NKAIN2: variants seen among roughly 807,000 people sequenced by gnomAD.
NKAIN2 encodes the protein sodium/potassium transporting ATPase interacting 2, also known as sodium/potassium-transporting ATPase subunit beta-1-interacting protein 2.
In NKAIN2, 14 loss-of-function variants were observed where a neutral mutation model predicts 32.6. That is an observed-to-expected ratio of 0.43 (90% confidence interval 0.28 to 0.67). NKAIN2 has a LOEUF of 0.67. Among genes scored for constraint, NKAIN2 ranks in the 30% least tolerant of loss-of-function variants. The pLI is 0.17. For missense variants in NKAIN2, 198 were observed against 258.3 expected (o/e 0.77, Z 1.60); for synonymous variants, 80 against 87.2 (o/e 0.92, Z 0.46).
rs906001817 is a variant in NKAIN2 at position 123,997,555 on chromosome 6, T to G, written c.54+193301T>G. Among the ~76,000 whole-genome samples the G allele has an allele frequency of 1.6e-3, 239 of 151,786 alleles. 1 individual carries two copies. The highest frequency in any genetic ancestry group is 5.5e-3 in the African/African-American group (226 of 41,424). ...GTGGCAGTTTGGCTATTTTTTAAATTTTTCCATCTGAAGCAGGAATTATCA... is the reference window on the plus strand; with the variant it reads ...GTGGCAGTTTGGCTATTTTTTAAATGTTTCCATCTGAAGCAGGAATTATCA... On this transcript the variant is annotated intron_variant, in intron 1 of 6. Transcript: ENST00000368417.
chr6:124,595,068 C>T (rs1229297123), intron 3 of NKAIN2, among the ~76,000 whole-genome samples: 1 of 152,118 alleles, frequency 6.6e-6, no homozygotes, highest in Non-Finnish European at 1.5e-5. Context: ...GAAATAAAAG[C>T]AGAATAAAAG....
At chr6:123,968,744 G>A (rs1778204593) in intron 1 of NKAIN2, among the ~76,000 whole-genome samples, 1 of 152,068 alleles carries the variant, frequency 6.6e-6, no homozygotes, top group Admixed American at 6.6e-5. Flanking sequence ...CTTTCTCTCT[G>A]GAATGCCCCT....
At chr6:124,811,938 A>T (rs150093796) in intron 5 of NKAIN2, among the ~76,000 whole-genome samples, 191 of 152,262 alleles carry the variant, frequency 1.3e-3, no homozygotes, top group Non-Finnish European at 2.1e-4. Context: ...CAAGGCAGAG[A>T]TTAAGAAAGT....
At chr6:124,030,343 CA>C (rs1353567711) in intron 1 of NKAIN2, among the ~76,000 whole-genome samples, 1 of 152,116 alleles carries the variant, frequency 6.6e-6, no homozygotes, top group Non-Finnish European at 1.5e-5. Context: ...TCCCTGGTGC[CA>C]AAAAGGTTGG....
chr6:124,112,073 A>G (rs953159317), intron 1 of NKAIN2, among the ~76,000 whole-genome samples: 3 of 152,152 alleles, frequency 2.0e-5, no homozygotes, highest in African/African-American at 7.2e-5. Flanking sequence ...CTTTTATGCT[A>G]GAATTAAATG....
intron 1 of NKAIN2, among the ~76,000 whole-genome samples, chr6:123,872,937 G>A (rs903680787): frequency 3.0e-4 from 46 of 152,240 alleles, no homozygotes; most frequent in African/African-American, 1.1e-3. Context: ...TATCACACAC[G>A]TTTTAAGAAC....
At chr6:124,676,600 A>G (rs1773367087) in intron 4 of NKAIN2, among the ~76,000 whole-genome samples, 3 of 151,730 alleles carry the variant, frequency 2.0e-5, no homozygotes, top group Admixed American at 2.0e-4. Flanking sequence ...GTGACTATTT[A>G]TTATTTATTT....
intron 3 of NKAIN2, among the ~76,000 whole-genome samples, chr6:124,521,296 T>C (rs936665353): frequency 2.0e-5 from 3 of 152,232 alleles, no homozygotes; most frequent in Non-Finnish European, 4.4e-5. Context: ...CATCTTTTAT[T>C]AAGTTAAAGA....
chr6:124,530,683 G>A (rs1779491251), intron 3 of NKAIN2, among the ~76,000 whole-genome samples: 1 of 152,166 alleles, frequency 6.6e-6, no homozygotes, highest in South Asian at 2.1e-4. Context: ...AATCTGATAG[G>A]TGTAATTTAG....
intron 1 of NKAIN2, among the ~76,000 whole-genome samples, chr6:124,062,416 T>A (rs191053309): frequency 6.6e-6 from 1 of 152,128 alleles, no homozygotes; most frequent in East Asian, 1.9e-4. Flanking sequence ...CTGATTTCAG[T>A]TTTTGTTGTT....
intron 3 of NKAIN2, among the ~76,000 whole-genome samples, chr6:124,589,277 A>G (rs1408188413): frequency 3.9e-5 from 6 of 152,208 alleles, no homozygotes; most frequent in Admixed American, 1.3e-4. Flanking sequence ...TTTTTCTGCT[A>G]TTGTATGAGA....
chr6:124,432,643 T>C (rs1218235568), intron 3 of NKAIN2, among the ~76,000 whole-genome samples: 2 of 151,976 alleles, frequency 1.3e-5, no homozygotes, highest in African/African-American at 4.8e-5. Context: ...AATAAAATTA[T>C]AAAGTTTGAG....
chr6:124,029,281 T>G lies in NKAIN2; in HGVS notation c.54+225027T>G, dbSNP rs142386084. Among the ~76,000 whole-genome samples the G allele has an allele frequency of 7.4e-4, 112 of 152,214 alleles. 1 individual carries two copies. In the East Asian group the frequency reaches 0.021, roughly 29 times the overall value. On this transcript the variant is annotated intron_variant, in intron 1 of 6. Transcript: ENST00000368417. ...GTGAAATTCTTGAATTTTCTTTTAC[T>G]TGCTTGTCATATGTTCTTTTAAAAG...
chr6:124,381,086 C>G (rs1178934308), intron 3 of NKAIN2, among the ~76,000 whole-genome samples: 2 of 151,992 alleles, frequency 1.3e-5, no homozygotes, highest in Admixed American at 6.6e-5. Context: ...ATATTAGAAC[C>G]AAAGCAAGAT....
At position 124,739,543 on chromosome 6, in the gene NKAIN2, T is replaced by A. The variant is rs142079274; in HGVS notation, c.475-51796T>A. ...GTGATCATCAAGAGATGTTACCTGA[T>A]AAAGATTGGAGCCAGCTCAAGGTTA... On this transcript the variant is annotated intron_variant, in intron 4 of 6. Coordinates refer to ENST00000368417, the MANE Select transcript of NKAIN2 (RefSeq NM_001040214.3). Among the ~76,000 whole-genome samples, 74 of 151,976 alleles carry A rather than the reference T, an allele frequency of 4.9e-4. 1 individual carries two copies. Among genetic ancestry groups the A allele is most frequent in the African/African-American group, 1.6e-3 (67 of 41,522 alleles).
intron 4 of NKAIN2, among the ~76,000 whole-genome samples, chr6:124,761,115 T>C (rs1778243985): frequency 6.6e-6 from 1 of 152,234 alleles, no homozygotes; most frequent in Admixed American, 6.5e-5. Flanking sequence ...TAGCCACTTA[T>C]AAATTTCCCT....
chr6:123,887,644 T>C (rs548884270), intron 1 of NKAIN2, among the ~76,000 whole-genome samples: 9 of 152,134 alleles, frequency 5.9e-5, no homozygotes, highest in Non-Finnish European at 1.2e-4. Context: ...CTCTAAATTA[T>C]AGAATATTAG....
rs1778618148 is a variant in NKAIN2, at chr6:123,976,371, CCATATATATATATATATATAT to C, written c.54+172118_54+172138del. ...CCCATATATATATATATATATATTC[CCATATATATATATATATATAT>C]ATATATATATATATATATATATATG... is the stretch of plus-strand genomic sequence containing the variant. On this transcript the variant is annotated intron_variant, in intron 1 of 6. Transcript: ENST00000368417. 1.1e-3 allele frequency among the ~76,000 whole-genome samples: 6 copies of C among 5,452 alleles called. 1 individual carries two copies. The highest frequency in any genetic ancestry group is 2.5e-3 in the Non-Finnish European group (5 of 1,978). The allele number at this position is 5,452 out of a possible 152,430, so 3.6% of individuals were successfully genotyped here.
intron 4 of NKAIN2, among the ~76,000 whole-genome samples, chr6:124,772,278 A>G (rs1778791425): frequency 6.6e-6 from 1 of 152,174 alleles, no homozygotes; most frequent in African/African-American, 2.4e-5. Context: ...GTATAGGTGT[A>G]AACATTGTCA....
Sources: allele counts gnomAD v4.1 joint callset (sites outside exome capture counted in the v4.1 genomes callset), GRCh38; gene constraint gnomAD v4.1.1; transcripts MANE v1.5; gene names NCBI Gene and HGNC (gene_info 2026-07-23, HGNC 2026-07-21).